The following PRR14 variants were observed in gnomAD, a reference collection of about 807,000 sequenced individuals.
PRR14 encodes the protein proline-rich protein 14.
A neutral mutation model predicts 57.2 loss-of-function variants in PRR14; 33 were observed. The observed-to-expected ratio is 0.58, with a 90% CI of 0.44 to 0.77. The LOEUF (loss-of-function observed/expected upper bound fraction) is 0.77, where lower values mean the gene tolerates loss of function less well. Ranked by LOEUF, PRR14 falls within the 30% of genes least tolerant of loss-of-function variation. The pLI, the probability that PRR14 is intolerant of heterozygous loss-of-function variation, is 0.00. For synonymous variants in PRR14, 303 were observed against 314.7 expected (o/e 0.96, Z 0.39); for missense variants, 716 against 788.1 (o/e 0.91, Z 1.10).
At position 30,651,034 on chromosome 16, in the gene PRR14, C is replaced by G. The variant is rs1339667601; in HGVS notation, c.-144C>G. The G allele has an allele frequency of 4.4e-6, 2 of 456,396 alleles. No individual in the cohort carries two copies. Among genetic ancestry groups the G allele is most frequent in the African/African-American group, 4.0e-5 (2 of 50,072 alleles). The allele number at this position is 456,396 out of a possible 1,614,324, so 28.3% of individuals were successfully genotyped here. A position where few individuals can be genotyped will look rare whatever the true frequency, so the allele number is the denominator to read the frequency against. The stretch of plus-strand genomic sequence containing the variant: ...TACGCTGAGTTCGGAGATGCTCCAG[C>G]TCGGGCCGCCCCTGTCTGAGCGGAG... On this transcript the variant is annotated 5_prime_UTR_variant, in exon 1 of 12. Coordinates refer to ENST00000300835, the MANE Select transcript of PRR14 (RefSeq NM_024031.5). The surrounding 1 kb of genome is among the most constrained non-coding windows in gnomAD (Gnocchi z 5.0).
At position 30,651,635 on chromosome 16, in the gene PRR14, C is replaced by T. The variant is rs2052313158; in HGVS notation, c.-11C>T. 2 of 1,597,616 alleles carry T rather than the reference C, an allele frequency of 1.3e-6. No individual in the cohort carries two copies. Among genetic ancestry groups the T allele is most frequent in the Admixed American group, 1.7e-5 (1 of 58,848 alleles). On this transcript the variant is annotated 5_prime_UTR_variant, in exon 2 of 12. Coordinates refer to ENST00000300835, the MANE Select transcript of PRR14 (RefSeq NM_024031.5). This position sits in a 1 kb window ranked among gnomAD's most constrained non-coding sequence, Gnocchi z 5.0. Reference sequence around the variant, plus strand: ...TTCCCCAGGGACCCCCCCGGAGCCGCCGCGTCTCCCATGGACTTGCCCGGG... The same window carrying T: ...TTCCCCAGGGACCCCCCCGGAGCCGTCGCGTCTCCCATGGACTTGCCCGGG...
chr16:30,653,057 T>G lies in PRR14; in HGVS notation c.458T>G (p.Leu153Arg). Residue 153 changes from leucine (L) to arginine (R), a missense_variant, in exon 5 of 12, where the codon CTG becomes CGG. Physicochemically the swap from Leu to Arg is moderately radical, Grantham distance 102 (BLOSUM62 -2). Transcript: ENST00000300835. ...GTGGACCGGGCCCCCCAGCCCACCC[T>G]GGTGGTGATGCTGGAAGACATCGCC... ...QKVDRAPQPT[L>R]VVMLEDIASP... The G allele has an allele frequency of 6.2e-7, 1 of 1,613,430 alleles. No individual in the cohort carries two copies. The highest frequency in any genetic ancestry group is 8.5e-7 in the Non-Finnish European group (1 of 1,179,754).
In PRR14 at chr16:30,655,036, C is replaced by A. The variant is rs1040079433; in HGVS notation, c.1066C>A (p.Arg356=). The A allele has an allele frequency of 1.9e-6, 3 of 1,610,390 alleles. No individual in the cohort carries two copies. The highest frequency in any genetic ancestry group is 1.7e-5 in the Admixed American group (1 of 59,934). The stretch of plus-strand genomic sequence containing the variant: ...GCCACCTGCTCCACCCCAACCAAGC[C>A]GACCACGGCCGCGGCGGCACACTGT... ...TWPPAPPQPS[R]PRPRRHTVGG... is the part of the protein sequence containing the mutation. Residue 356 remains arginine, a synonymous_variant, in exon 8 of 12, where the codon CGA becomes AGA. Transcript: ENST00000300835. The surrounding 1 kb of genome is among the most constrained non-coding windows in gnomAD (Gnocchi z 4.6).
In PRR14 at chr16:30,654,258, C is replaced by G; in HGVS notation, c.577C>G (p.Pro193Ala). The change falls in exon 7 of 12, where the codon CCA becomes GCA. Residue 193 changes from proline to alanine, a missense_variant. By Grantham distance (27) the Pro-to-Ala change is conservative (BLOSUM62 -1). Coordinates refer to ENST00000300835, the MANE Select transcript of PRR14 (RefSeq NM_024031.5). ...TGAGCCCATGAGGATAGTTCGCCAG[C>G]CAACGCCTCCACCTGGGGACCTAGA... Reference protein sequence around the residue: ...RAEPMRIVRQPTPPPGDLEPP... With the variant: ...RAEPMRIVRQATPPPGDLEPP... 6.2e-7 allele frequency: 1 copy of G among 1,614,146 alleles called. No homozygotes were observed. Among genetic ancestry groups the G allele is most frequent in the Non-Finnish European group, 8.5e-7 (1 of 1,179,990 alleles).
Position 30,651,943 on chromosome 16 carries a change from A to T in PRR14, c.171A>T (p.Glu57Asp), listed in dbSNP as rs138416464. ...ASRRVLAVVL[E>D]DVMAVHMVPV... ...GGCGGGTCCTGGCCGTGGTGCTAGAAGATGTCATGGCTGTTCACATGGTGA... is the reference window on the plus strand; with the variant it reads ...GGCGGGTCCTGGCCGTGGTGCTAGATGATGTCATGGCTGTTCACATGGTGA... Residue 57 changes from glutamate (E) to aspartate (D), a missense_variant, in exon 3 of 12, where the codon GAA (glutamate) becomes GAT (aspartate). Physicochemically the swap from Glu to Asp is conservative, Grantham distance 45 (BLOSUM62 2). Coordinates refer to ENST00000300835, the MANE Select transcript of PRR14 (RefSeq NM_024031.5). The surrounding 1 kb of genome is among the most constrained non-coding windows in gnomAD (Gnocchi z 5.0). The T allele has an allele frequency of 4.5e-6, 7 of 1,554,956 alleles. No individual in the cohort carries two copies. The highest frequency in any genetic ancestry group is 5.2e-6 in the Non-Finnish European group (6 of 1,153,260).
intron 3 of PRR14, chr16:30,652,291 C>T (rs1008198359): frequency 1.2e-5 from 7 of 577,756 alleles, no homozygotes; most frequent in Non-Finnish European, 2.3e-5. Context: ...CTCAAACTGG[C>T]ATCAAGCGAT....
At position 30,654,942 on chromosome 16, in the gene PRR14, T is replaced by A; in HGVS notation, c.972T>A (p.Pro324=). ...ACCACAATACCCCAGCACTTCTCCC[T>A]AAGCCCTCTCTGGGCCGAAGCTACT... The part of the protein sequence containing the change: ...TQDHNTPALL[P]KPSLGRSYSC... Residue 324 remains proline (P), a synonymous_variant, in exon 8 of 12, where the codon CCT becomes CCA. Transcript: ENST00000300835. The A allele has an allele frequency of 1.2e-6, 2 of 1,612,478 alleles. No homozygotes were observed. The highest frequency in any genetic ancestry group is 1.7e-6 in the Non-Finnish European group (2 of 1,180,008).
chr16:30,656,030 A>G lies in PRR14; in HGVS notation c.1479-2A>G. The G allele has an allele frequency of 6.4e-7, 1 of 1,571,196 alleles. No individual in the cohort carries two copies. The highest frequency in any genetic ancestry group is 8.6e-7 in the Non-Finnish European group (1 of 1,159,966). The stretch of plus-strand genomic sequence containing the variant: ...ACCAGCTCCTCTCCCTGCCTTGTTC[A>G]GGACCTTTGAGACCATCTTTGAGGA... On this transcript the variant is annotated splice_acceptor_variant, in intron 11 of 11. Transcript: ENST00000300835. LOFTEE classifies it high-confidence loss of function.
intron 3 of PRR14, chr16:30,652,320 C>T (rs768162752): frequency 1.4e-5 from 8 of 571,682 alleles, no homozygotes; most frequent in Non-Finnish European, 2.6e-5. Context: ...CTCTGCCTCC[C>T]AAAGTATTGG....
In PRR14 at chr16:30,651,041, C is replaced by A. The variant is rs993752496; in HGVS notation, c.-137C>A. On this transcript the variant is annotated 5_prime_UTR_variant, in exon 1 of 12. Transcript: ENST00000300835. The surrounding 1 kb of genome is among the most constrained non-coding windows in gnomAD (Gnocchi z 5.0). ...AGTTCGGAGATGCTCCAGCTCGGGC[C>A]GCCCCTGTCTGAGCGGAGCTTTGCG... 2 of 456,446 alleles carry A rather than the reference C, an allele frequency of 4.4e-6. No homozygotes were observed. Among genetic ancestry groups the A allele is most frequent in the Admixed American group, 2.3e-5 (1 of 42,574 alleles). The allele number at this position is 456,446 out of a possible 1,614,324, so 28.3% of individuals were successfully genotyped here.
At position 30,655,453 on chromosome 16, in the gene PRR14, G is replaced by A. The variant is rs776718179; in HGVS notation, c.1314+33G>A. ...TTCAGATCGGGTAGAAGAGACTAGT[G>A]GGGGCCTGAGCCCATGTCACTCTTT... On this transcript the variant is annotated intron_variant, in intron 9 of 11. Coordinates refer to ENST00000300835, the MANE Select transcript of PRR14 (RefSeq NM_024031.5). This position sits in a 1 kb window ranked among gnomAD's most constrained non-coding sequence, Gnocchi z 4.6. The A allele has an allele frequency of 5.6e-6, 9 of 1,613,578 alleles. No homozygotes were observed. The highest frequency in any genetic ancestry group is 7.6e-6 in the Non-Finnish European group (9 of 1,179,494).
Position 30,653,079 on chromosome 16 carries a change from C to T in PRR14, c.480C>T (p.Ile160=), listed in dbSNP as rs139244929. The change falls in exon 5 of 12, where the codon ATC becomes ATT. Residue 160 remains isoleucine (I), a synonymous_variant. Transcript: ENST00000300835. The part of the protein sequence containing the change: ...QPTLVVMLED[I]ASPRPPAEGF... ...CCCTGGTGGTGATGCTGGAAGACAT[C>T]GCCAGTCCTAGACCCCCCGCTGAGG... is the stretch of plus-strand genomic sequence containing the variant. 6.4e-4 allele frequency: 1,031 copies of T among 1,611,618 alleles called. 1 individual carries two copies. Among genetic ancestry groups the T allele is most frequent in the Non-Finnish European group, 7.9e-4 (927 of 1,178,832 alleles).
rs2052310826 is a variant in PRR14, at chr16:30,651,475, TTTCGCGCCCCAGG to T, written c.-50-120_-50-108del. On this transcript the variant is annotated intron_variant, in intron 1 of 11. Transcript: ENST00000300835. The surrounding 1 kb of genome is among the most constrained non-coding windows in gnomAD (Gnocchi z 5.0). ...TCCGGGCGACCGGCCGGGGGCGCCC[TTTCGCGCCCCAGG>T]GCTGCGGCCGCTGGGCTACGGGGAG... 2 of 498,414 alleles carry T rather than the reference TTTCGCGCCCCAGG, an allele frequency of 4.0e-6. No homozygotes were observed. 30.9% of individuals were successfully genotyped at this position (498,414 alleles called of 1,614,324 possible). A position where few individuals can be genotyped will look rare whatever the true frequency, so the allele number is the denominator to read the frequency against.
rs570725552 is a variant in PRR14, at chr16:30,653,163, G to A, written c.504+60G>A. 2.0e-5 allele frequency: 30 copies of A among 1,513,108 alleles called. No individual in the cohort carries two copies. The East Asian group carries it at 5.5e-4, about 28-fold the overall frequency. 93.7% of individuals were successfully genotyped at this position (1,513,108 alleles called of 1,614,324 possible). On this transcript the variant is annotated intron_variant, in intron 5 of 11. Coordinates refer to ENST00000300835, the MANE Select transcript of PRR14 (RefSeq NM_024031.5). ...TGCTGGGTTCCAGCAGGGATAGAAGGGTAGGAGGCCTGAGTCTTAGGTGGG... is the reference window on the plus strand; with the variant it reads ...TGCTGGGTTCCAGCAGGGATAGAAGAGTAGGAGGCCTGAGTCTTAGGTGGG...
upstream of PRR14, chr16:30,650,938 G>T: frequency 2.3e-6 from 1 of 439,592 alleles, no homozygotes; most frequent in Non-Finnish European, 4.7e-6. Flanking sequence ...GAGGGAAGGG[G>T]CGTCTGTGGG....
intron 3 of PRR14, chr16:30,652,430 C>T (rs971022468): frequency 1.8e-6 from 1 of 563,534 alleles, no homozygotes; most frequent in African/African-American, 1.9e-5. Context: ...CTCCACTGCA[C>T]AGATAAGAAA....
intron 5 of PRR14, 126 bp from the exon 6 acceptor site, chr16:30,653,239 G>A: frequency 1.4e-6 from 2 of 1,382,450 alleles, no homozygotes; most frequent in Non-Finnish European, 2.0e-6. Flanking sequence ...CACTGCCTGA[G>A]CAAAGACTAT....
chr16:30,653,447 C>T, intron 6 of PRR14, 39 bp downstream of exon 6: 2 of 1,586,980 alleles, frequency 1.3e-6, no homozygotes, highest in Admixed American at 1.7e-5. Flanking sequence ...AGGATCCAGG[C>T]AACAGCCATC....
chr16:30,650,898 C>T (rs1343719824), upstream of PRR14: 1 of 419,502 alleles, frequency 2.4e-6, no homozygotes, highest in Non-Finnish European at 5.0e-6. Context: ...TGGTCCCGGG[C>T]CGGGGGAGAC....
Sources: allele counts gnomAD v4.1 joint callset, GRCh38; gene constraint gnomAD v4.1.1; non-coding constraint Gnocchi (gnomAD v3.1); transcripts MANE v1.5; gene names NCBI Gene and HGNC (gene_info 2026-07-23, HGNC 2026-07-21).